The following AP2B1 variants were observed in gnomAD, a reference collection of about 807,000 sequenced individuals.
AP2B1 encodes the protein adaptor related protein complex 2 subunit beta 1.
A neutral mutation model predicts 102.0 loss-of-function variants in AP2B1; 23 were observed. That is an observed-to-expected ratio of 0.23 (90% CI 0.16 to 0.32). AP2B1 has a LOEUF of 0.32. Ranked by LOEUF, AP2B1 falls within the 10% of genes least tolerant of loss-of-function variation. AP2B1 has a pLI of 1.00. For synonymous variants in AP2B1, 381 were observed against 421.2 expected (o/e 0.90, Z 1.17); for missense variants, 541 against 1,157.4 (o/e 0.47, Z 7.73).
chr17:35,624,377 C>A lies in AP2B1; in HGVS notation c.526-20C>A. Reference sequence around the variant, plus strand: ...TGTGCTGTTCTTGGTGAATCAAGGTCATACCCCCTTCTTTTCCAGGTGGTG... The same window carrying A: ...TGTGCTGTTCTTGGTGAATCAAGGTAATACCCCCTTCTTTTCCAGGTGGTG... On this transcript the variant is annotated intron_variant, in intron 5 of 21. Coordinates refer to ENST00000610402, the MANE Select transcript of AP2B1 (RefSeq NM_001030006.2). 1 of 1,612,902 alleles carries A rather than the reference C, an allele frequency of 6.2e-7. No individual in the cohort carries two copies. The highest frequency in any genetic ancestry group is 1.1e-5 in the South Asian group (1 of 90,932).
intron 10 of AP2B1, among the ~76,000 whole-genome samples, chr17:35,637,938 G>T (rs62079755): frequency 6.6e-6 from 1 of 151,458 alleles, no homozygotes; most frequent in Non-Finnish European, 1.5e-5. Flanking sequence ...CCCCCACCTC[G>T]CCCTCCCAAA....
rs779350508 is a variant in AP2B1, at chr17:35,682,735, C to T, written c.2365C>T (p.Pro789Ser). 1 of 1,612,744 alleles carries T rather than the reference C, an allele frequency of 6.2e-7. No homozygotes were observed. The highest frequency in any genetic ancestry group is 1.7e-5 in the Admixed American group (1 of 59,974). ...CAGCACTCCTCTGGCCATCCATACA[C>T]CACTGATGCCAAACCAGAGCATTGA... is the stretch of plus-strand genomic sequence containing the variant. ...IPSTPLAIHT[P>S]LMPNQSIDVS... is the part of the protein sequence containing the mutation. Residue 789 changes from proline (P) to serine (S), a missense_variant, in exon 18 of 22, where the codon CCA becomes TCA. By Grantham distance (74) the Pro-to-Ser change is moderately conservative. Transcript: ENST00000610402.
At chr17:35,599,767 G>C (rs981433702) in intron 3 of AP2B1, among the ~76,000 whole-genome samples, 1 of 151,944 alleles carries the variant, frequency 6.6e-6, no homozygotes, top group Non-Finnish European at 1.5e-5. Flanking sequence ...AAAATTAGCC[G>C]GGCATGGTGG....
chr17:35,589,937 T>C (rs1567752446), intron 1 of AP2B1, among the ~76,000 whole-genome samples: 1 of 148,908 alleles, frequency 6.7e-6, no homozygotes, highest in Non-Finnish European at 1.5e-5. Context: ...TTTTTTTTTT[T>C]TTTTTTGAGA....
chr17:35,642,509 A>G (rs2074810983), intron 12 of AP2B1, among the ~76,000 whole-genome samples: 1 of 152,190 alleles, frequency 6.6e-6, no homozygotes, highest in Non-Finnish European at 1.5e-5. Flanking sequence ...GGAAAGTGGC[A>G]GCTGGCTTTA....
At chr17:35,602,002 C>G (rs919310905) in intron 3 of AP2B1, among the ~76,000 whole-genome samples, 4 of 152,144 alleles carry the variant, frequency 2.6e-5, no homozygotes, top group Non-Finnish European at 4.4e-5. Flanking sequence ...GTCTCAAACT[C>G]CCGAAAAATT....
chr17:35,699,485 A>G (rs972960758), intron 18 of AP2B1, among the ~76,000 whole-genome samples: 2 of 152,206 alleles, frequency 1.3e-5, no homozygotes, highest in South Asian at 2.1e-4. Flanking sequence ...CTCCTCAGCT[A>G]TCATGTAATA....
intron 2 of AP2B1, among the ~76,000 whole-genome samples, 151 bp from the exon 3 acceptor site, chr17:35,598,076 ATAT>A (rs1488182195): frequency 2.0e-5 from 3 of 152,178 alleles, no homozygotes. Flanking sequence ...GAGTCAGGTA[ATAT>A]TCTAGGGCTT....
rs11312845 is a variant in AP2B1, at chr17:35,588,066, C to CT, written c.-24+652dup. 2.0e-4 allele frequency among the ~76,000 whole-genome samples: 29 copies of CT among 144,964 alleles called. No individual in the cohort carries two copies. The East Asian group carries it at 2.0e-3, about 10-fold the overall frequency. ...ATGGGGGCAAATCTTAACCCAGCATCTTTTTTTTTTTTTTCTTTTTCTGGG... is the reference window on the plus strand; with the variant it reads ...ATGGGGGCAAATCTTAACCCAGCATCTTTTTTTTTTTTTTTCTTTTTCTGGG... On this transcript the variant is annotated intron_variant, in intron 1 of 21. Coordinates refer to ENST00000610402, the MANE Select transcript of AP2B1 (RefSeq NM_001030006.2).
rs1436398905 is a variant in AP2B1, at chr17:35,724,080, G to A, written c.*381G>A. ...AACAAATATTAAAGCAAGGAAAAGTGTAACTGAAACACTGCACTTTACTGT... is the reference window on the plus strand; with the variant it reads ...AACAAATATTAAAGCAAGGAAAAGTATAACTGAAACACTGCACTTTACTGT... On this transcript the variant is annotated 3_prime_UTR_variant, in exon 22 of 22. Transcript: ENST00000610402. 3 of 190,988 alleles carry A rather than the reference G, an allele frequency of 1.6e-5. No homozygotes were observed. Among genetic ancestry groups the A allele is most frequent in the African/African-American group, 2.3e-5 (1 of 43,478 alleles). The allele number at this position is 190,988 out of a possible 1,614,324, so 11.8% of individuals were successfully genotyped here. A position where few individuals can be genotyped will look rare whatever the true frequency, so the allele number is the denominator to read the frequency against.
chr17:35,699,076 A>G (rs1203907254), intron 18 of AP2B1, among the ~76,000 whole-genome samples: 1 of 152,218 alleles, frequency 6.6e-6, no homozygotes, highest in Non-Finnish European at 1.5e-5. Flanking sequence ...AATGGGTACT[A>G]CAGGAGAAGT....
At chr17:35,699,698 A>G (rs2626626) in intron 18 of AP2B1, among the ~76,000 whole-genome samples, 131,695 of 152,230 alleles carry the variant, frequency 0.87, 57,308 homozygotes, top group East Asian at 0.97. Context: ...TCATAAATAG[A>G]CCTTTCTGTT....
chr17:35,682,571 T>C, intron 17 of AP2B1, 124 bp from the exon 18 acceptor site: 1 of 845,822 alleles, frequency 1.2e-6, no homozygotes, highest in Non-Finnish European at 1.8e-6. Flanking sequence ...TTTGAACTGC[T>C]GACCTCAGGT....
chr17:35,596,777 G>A (rs1471734857), intron 2 of AP2B1: 2 of 580,190 alleles, frequency 3.4e-6, no homozygotes, highest in South Asian at 1.7e-5. Flanking sequence ...CCGCAGCTGC[G>A]CCCCCTAGCG....
chr17:35,701,167 G>A (rs943802752), intron 18 of AP2B1, among the ~76,000 whole-genome samples: 1 of 38,014 alleles, frequency 2.6e-5, no homozygotes, highest in African/African-American at 2.5e-4. Context: ...ATTTTACATA[G>A]TGTATACACA....
chr17:35,595,629 T>G (rs1386606338), intron 2 of AP2B1, among the ~76,000 whole-genome samples: 1 of 152,180 alleles, frequency 6.6e-6, no homozygotes, highest in Non-Finnish European at 1.5e-5. Context: ...CTGCTAACAG[T>G]GCTTGGTAGA....
chr17:35,609,138 A>G (rs1252107978), intron 5 of AP2B1, among the ~76,000 whole-genome samples: 1 of 152,226 alleles, frequency 6.6e-6, no homozygotes. Context: ...CTAAGAGTTA[A>G]TCAGTGGATA....
intron 12 of AP2B1, among the ~76,000 whole-genome samples, chr17:35,646,583 A>G (rs1251994763): frequency 6.8e-6 from 1 of 146,924 alleles, no homozygotes; most frequent in East Asian, 2.0e-4. Flanking sequence ...TCATATATAT[A>G]TAATTTTTTT....
intron 5 of AP2B1, among the ~76,000 whole-genome samples, chr17:35,618,737 T>G (rs1415600522): frequency 6.6e-6 from 1 of 152,206 alleles, no homozygotes; most frequent in Non-Finnish European, 1.5e-5. Context: ...AGGGTCATTT[T>G]TATTCTAACC....
Sources: gnomAD v4.1 joint callset for allele counts (sites outside exome capture counted in the v4.1 genomes callset) on GRCh38, gnomAD v4.1.1 for gene constraint, MANE v1.5 for transcripts, NCBI Gene and HGNC (gene_info 2026-07-23, HGNC 2026-07-21) for gene names.